DCC: variants seen among roughly 807,000 people sequenced by gnomAD.
DCC encodes netrin receptor DCC.
In DCC, 58 loss-of-function variants were observed where a neutral mutation model predicts 172.5. The observed-to-expected ratio is 0.34, with a 90% CI of 0.27 to 0.42. DCC has a LOEUF of 0.42. Ranked by LOEUF, DCC falls within the 10% of genes least tolerant of loss-of-function variation. The pLI, the probability that DCC is intolerant of heterozygous loss-of-function variation, is 1.00. For synonymous variants in DCC, 709 were observed against 644.5 expected, an observed-to-expected ratio of 1.10 and a Z score of -1.52; for missense variants, 1,740 against 1,791.0, an observed-to-expected ratio of 0.97 and a Z score of 0.51.
intron 2 of DCC, among the ~76,000 whole-genome samples, chr18:52,777,948 A>G (rs372031504): frequency 6.6e-6 from 1 of 152,180 alleles, no homozygotes; most frequent in Non-Finnish European, 1.5e-5. Flanking sequence ...TGCTGTGTAT[A>G]AAATGAAAGA....
chr18:53,470,718 GGAAA>G, intron 25 of DCC, among the ~76,000 whole-genome samples: 1 of 152,030 alleles, frequency 6.6e-6, no homozygotes, highest in Admixed American at 6.6e-5. Flanking sequence ...CAAGCCAGCA[GGAAA>G]GAGAGAGAGA....
intron 15 of DCC, among the ~76,000 whole-genome samples, chr18:53,385,159 T>A (rs1175908719): frequency 6.6e-6 from 1 of 152,026 alleles, no homozygotes; most frequent in Non-Finnish European, 1.5e-5. Flanking sequence ...CTCTTCTCAA[T>A]ACATAGAGCT....
chr18:53,206,176 T>C (rs901477158), intron 10 of DCC, among the ~76,000 whole-genome samples: 3 of 142,026 alleles, frequency 2.1e-5, no homozygotes, highest in Admixed American at 1.5e-4. Context: ...CATATACATA[T>C]ATAATACATA....
Position 53,499,498 on chromosome 18 carries a change from T to C in DCC, c.4099T>C (p.Leu1367=), listed in dbSNP as rs1568170588. ...ACCGAAAGTCCCTTACACACCACTT[T>C]TGTCTCAGCCAGGTAAAGTACTCGG... The part of the protein sequence containing the change: ...IEPKVPYTPL[L]SQPGPTLPKT... The change falls in exon 27 of 29, where the codon TTG becomes CTG. Residue 1367 remains leucine (L), a synonymous_variant. Transcript: ENST00000442544. The C allele has an allele frequency of 6.2e-7, 1 of 1,613,864 alleles. No individual in the cohort carries two copies. The highest frequency in any genetic ancestry group is 1.7e-5 in the Admixed American group (1 of 60,014).
intron 7 of DCC, among the ~76,000 whole-genome samples, chr18:53,117,171 G>A (rs981497678): frequency 1.3e-5 from 2 of 151,732 alleles, no homozygotes; most frequent in Non-Finnish European, 2.9e-5. Context: ...GCTTATGTGA[G>A]ATCATTTAAT....
chr18:53,376,704 G>T (rs990111477), intron 15 of DCC, among the ~76,000 whole-genome samples: 5 of 152,140 alleles, frequency 3.3e-5, no homozygotes, highest in East Asian at 1.9e-4. Flanking sequence ...TATGACCGGA[G>T]CCCAAGGCAG....
chr18:53,000,689 G>A (rs2041551782), intron 5 of DCC, among the ~76,000 whole-genome samples: 1 of 144,880 alleles, frequency 6.9e-6, no homozygotes, highest in African/African-American at 2.5e-5. Context: ...ATGTGTCACA[G>A]CCAGACAAAA....
chr18:53,386,065 C>T lies in DCC; in HGVS notation c.2382C>T (p.Ile794=). Residue 794 remains isoleucine (I), a synonymous_variant, in exon 16 of 29, where the codon ATC becomes ATT. Transcript: ENST00000442544. ...ERLESSSHYV[I]SLKAFNNAGE... ...CAGAGTCAAGTTCCCATTATGTAATCTCCCTAAAAGCTTTTAACAATGCCG... is the reference window on the plus strand; with the variant it reads ...CAGAGTCAAGTTCCCATTATGTAATTTCCCTAAAAGCTTTTAACAATGCCG... 6.2e-7 allele frequency: 1 copy of T among 1,612,144 alleles called. No homozygotes were observed. The highest frequency in any genetic ancestry group is 8.5e-7 in the Non-Finnish European group (1 of 1,178,274).
chr18:53,008,267 C>T (rs1006946764), intron 5 of DCC, among the ~76,000 whole-genome samples: 23 of 152,000 alleles, frequency 1.5e-4, no homozygotes, highest in African/African-American at 4.8e-4. Context: ...AGTTATTTCG[C>T]GGACTTGTGG....
In DCC at chr18:52,934,421, G is replaced by A. The variant is rs2040352949; in HGVS notation, c.985+9051G>A. Among the ~76,000 whole-genome samples, 6 of 152,140 alleles carry A rather than the reference G, an allele frequency of 3.9e-5. No individual in the cohort carries two copies. In the South Asian group the frequency reaches 1.0e-3, roughly 26 times the overall value. ...TTCATGCTTTCTTCACAGCTAGATA[G>A]GGAGAAACTTAAAAACAGAAGCCAT... On this transcript the variant is annotated intron_variant, in intron 5 of 28. Transcript: ENST00000442544.
chr18:52,769,486 A>T (rs968021760), intron 2 of DCC, among the ~76,000 whole-genome samples: 1 of 152,170 alleles, frequency 6.6e-6, no homozygotes, highest in Non-Finnish European at 1.5e-5. Flanking sequence ...TTTATCAGAT[A>T]CGTCTTCTGT....
At chr18:53,068,012 G>A (rs920755260) in intron 7 of DCC, among the ~76,000 whole-genome samples, 1 of 152,028 alleles carries the variant, frequency 6.6e-6, no homozygotes, top group Non-Finnish European at 1.5e-5. Flanking sequence ...AATAACTATA[G>A]AACAACAATA....
intron 1 of DCC, among the ~76,000 whole-genome samples, chr18:52,479,370 G>A (rs899068091): frequency 6.6e-6 from 1 of 152,134 alleles, no homozygotes; most frequent in Admixed American, 6.6e-5. Context: ...ACTTAGCACT[G>A]TGGAAACATT....
intron 5 of DCC, among the ~76,000 whole-genome samples, chr18:52,963,040 G>A (rs1434833057): frequency 6.6e-6 from 1 of 151,190 alleles, no homozygotes; most frequent in East Asian, 1.9e-4. Flanking sequence ...CACCAACATG[G>A]CACATGTATA....
intron 1 of DCC, among the ~76,000 whole-genome samples, chr18:52,395,584 A>G (rs1986193743): frequency 6.6e-6 from 1 of 152,074 alleles, no homozygotes; most frequent in Non-Finnish European, 1.5e-5. Context: ...ACACAGTTTT[A>G]AAGGTGCAAA....
At chr18:52,417,103 A>G (rs558375253) in intron 1 of DCC, among the ~76,000 whole-genome samples, 3 of 152,214 alleles carry the variant, frequency 2.0e-5, no homozygotes, top group South Asian at 2.1e-4. Flanking sequence ...GCTTATCTGT[A>G]AAGTATTTTA....
chr18:52,770,310 CAGCTGCCTTTGGTTT>C (rs1296072586), intron 2 of DCC, among the ~76,000 whole-genome samples: 2 of 152,164 alleles, frequency 1.3e-5, no homozygotes, highest in African/African-American at 2.4e-5. Flanking sequence ...ATCCTAAACG[CAGCTGCCTTTGGTTT>C]AGCTCATTGC....
chr18:53,530,787 G>A lies in DCC; in HGVS notation c.*134G>A. 1.4e-6 allele frequency: 1 copy of A among 727,262 alleles called. No individual in the cohort carries two copies. The highest frequency in any genetic ancestry group is 1.4e-5 in the South Asian group (1 of 69,494). 45.1% of individuals were successfully genotyped at this position (727,262 alleles called of 1,614,324 possible). A position where few individuals can be genotyped will look rare whatever the true frequency, so the allele number is the denominator to read the frequency against. Reference sequence around the variant, plus strand: ...CCATCAGGACCACTCAGTTAAGGAAGATCCTGAAGCAGTTCAGAAGGAATA... The same window carrying A: ...CCATCAGGACCACTCAGTTAAGGAAAATCCTGAAGCAGTTCAGAAGGAATA... On this transcript the variant is annotated 3_prime_UTR_variant, in exon 29 of 29. Coordinates refer to ENST00000442544, the MANE Select transcript of DCC (RefSeq NM_005215.4).
At chr18:53,204,184 A>G (rs2055588924) in intron 9 of DCC, among the ~76,000 whole-genome samples, 1 of 32,166 alleles carries the variant, frequency 3.1e-5, no homozygotes, top group African/African-American at 1.1e-4. Flanking sequence ...CATTAGGGAA[A>G]AAAGAAAAAA....
Sources: gnomAD v4.1 joint callset for allele counts (sites outside exome capture counted in the v4.1 genomes callset) on GRCh38, gnomAD v4.1.1 for gene constraint, MANE v1.5 for transcripts, NCBI Gene and HGNC (gene_info 2026-07-23, HGNC 2026-07-21) for gene names.